Variants in TTC6 observed in about 807,000 individuals in gnomAD.
The protein encoded by TTC6 is tetratricopeptide repeat protein 6.
A neutral mutation model predicts 210.4 loss-of-function variants in TTC6; 172 were observed. The observed-to-expected ratio is 0.82, with a 90% CI of 0.72 to 0.93. TTC6 has a LOEUF of 0.93. Ranked by LOEUF, TTC6 falls within the 40% of genes least tolerant of loss-of-function variation. TTC6 has a pLI of 0.00. For missense variants in TTC6, 2,414 were observed against 2,318.1 expected (o/e 1.04, Z -0.85); for synonymous variants, 804 against 819.6 (o/e 0.98, Z 0.32).
At chr14:37,597,603 G>A (rs2095607034) in intron 1 of TTC6, among the ~76,000 whole-genome samples, 1 of 152,082 alleles carries the variant, frequency 6.6e-6, no homozygotes, top group South Asian at 2.1e-4. Flanking sequence ...GATGGCCGAA[G>A]CGGAATTTCT....
chr14:37,750,723 T>TA (rs925655257), intron 12 of TTC6, among the ~76,000 whole-genome samples: 32 of 150,180 alleles, frequency 2.1e-4, no homozygotes, highest in Middle Eastern at 3.4e-3. Context: ...CCTGTGTCTA[T>TA]AAAAAAAAAT....
intron 26 of TTC6, among the ~76,000 whole-genome samples, chr14:37,821,772 C>CTTTTTTTTTTTTT (rs35078384): frequency 5.8e-5 from 4 of 69,158 alleles, no homozygotes; most frequent in African/African-American, 1.3e-4. Context: ...AAGAGCTAGT[C>CTTTTTTTTTTTTT]TTTTTTTTTT....
chr14:37,809,353 C>T (rs541538033), intron 24 of TTC6, among the ~76,000 whole-genome samples: 138 of 150,462 alleles, frequency 9.2e-4, no homozygotes, highest in African/African-American at 2.9e-3. Context: ...CCCGGGTTCA[C>T]GCCATTCTCC....
At chr14:37,772,794 C>T (rs574950899) in intron 14 of TTC6, among the ~76,000 whole-genome samples, 5 of 152,254 alleles carry the variant, frequency 3.3e-5, no homozygotes, top group African/African-American at 4.8e-5. Flanking sequence ...AGCTGTAGAC[C>T]GGAGCTGTTC....
intron 2 of TTC6, among the ~76,000 whole-genome samples, chr14:37,607,764 A>G (rs2095627819): frequency 1.3e-5 from 2 of 152,002 alleles, no homozygotes; most frequent in African/African-American, 2.4e-5. Context: ...GGTAGCTAGG[A>G]CTATAGGTGC....
At chr14:37,773,572 T>G (rs1485028294) in intron 14 of TTC6, among the ~76,000 whole-genome samples, 1 of 152,162 alleles carries the variant, frequency 6.6e-6, no homozygotes, top group Non-Finnish European at 1.5e-5. Context: ...GTTGTAGGTG[T>G]GTGGTATTAT....
exon 21 of TTC6, chr14:37,804,728 G>C (rs755034325): frequency 1.2e-5 from 19 of 1,614,038 alleles, no homozygotes; most frequent in Middle Eastern, 3.3e-4. Flanking sequence ...TTCTCATTCT[G>C]ATAAAGGACC....
chr14:37,803,911 C>T (rs2096112595), intron 20 of TTC6, among the ~76,000 whole-genome samples: 1 of 152,172 alleles, frequency 6.6e-6, no homozygotes, highest in African/African-American at 2.4e-5. Flanking sequence ...AGTGAAACTT[C>T]ATTTTTTCTT....
intron 3 of TTC6, among the ~76,000 whole-genome samples, chr14:37,687,456 A>G (rs965475724): frequency 2.0e-5 from 3 of 152,156 alleles, no homozygotes; most frequent in African/African-American, 7.2e-5. Context: ...GGGCTCAGAG[A>G]TAGTGGACTA....
At chr14:37,841,864 C>G (rs1278997603) in intron 30 of TTC6, among the ~76,000 whole-genome samples, 194 bp downstream of exon 32, 1 of 152,066 alleles carries the variant, frequency 6.6e-6, no homozygotes, top group Non-Finnish European at 1.5e-5. Flanking sequence ...CTGTGGTAAA[C>G]TGAGATATAG....
chr14:37,750,065 G>T (rs1252618443), intron 12 of TTC6, among the ~76,000 whole-genome samples: 2 of 151,934 alleles, frequency 1.3e-5, no homozygotes, highest in Non-Finnish European at 2.9e-5. Context: ...GATATATATT[G>T]CAGTAAGTTG....
intron 1 of TTC6, among the ~76,000 whole-genome samples, chr14:37,602,907 G>C (rs1049638945): frequency 6.6e-6 from 1 of 152,058 alleles, no homozygotes; most frequent in Non-Finnish European, 1.5e-5. Flanking sequence ...GCCTCCTCCC[G>C]CCAAAATACC....
At chr14:37,641,977 C>A (rs1401547682) in intron 1 of TTC6, among the ~76,000 whole-genome samples, 1 of 152,192 alleles carries the variant, frequency 6.6e-6, no homozygotes, top group Non-Finnish European at 1.5e-5. Context: ...TGTTTTTATT[C>A]GGATTGCATC....
At chr14:37,724,748 G>C in intron 6 of TTC6, 150 bp from the exon 9 acceptor site, 1 of 468,432 alleles carries the variant, frequency 2.1e-6, no homozygotes, top group Non-Finnish European at 3.8e-6. Flanking sequence ...TTGCTAACCT[G>C]ATGGCTGTAA....
chr14:37,697,904 C>T (rs907337396), intron 4 of TTC6, among the ~76,000 whole-genome samples: 29 of 152,014 alleles, frequency 1.9e-4, no homozygotes, highest in Admixed American at 1.8e-3. Context: ...TGGCCACACA[C>T]AGAGTCAGAG....
intron 25 of TTC6, among the ~76,000 whole-genome samples, chr14:37,815,812 T>C (rs1365454279): frequency 6.6e-6 from 1 of 152,170 alleles, no homozygotes; most frequent in Non-Finnish European, 1.5e-5. Flanking sequence ...GCTAACTTTA[T>C]TCTAAGTAAT....
At chr14:37,749,912 A>C in intron 12 of TTC6, 69 bp downstream of exon 14, 1 of 1,045,588 alleles carries the variant, frequency 9.6e-7, no homozygotes, top group Admixed American at 4.2e-5. Flanking sequence ...TATTGGTACT[A>C]TAAGGATACA....
intron 1 of TTC6, among the ~76,000 whole-genome samples, chr14:37,596,942 G>A (rs1475534846): frequency 6.6e-6 from 1 of 151,836 alleles, no homozygotes; most frequent in Non-Finnish European, 1.5e-5. Context: ...AAGTCAGCAG[G>A]GGAGCAGAGA....
intron 26 of TTC6, among the ~76,000 whole-genome samples, chr14:37,821,495 G>A (rs1233317981): frequency 1.3e-5 from 2 of 152,074 alleles, no homozygotes; most frequent in African/African-American, 4.8e-5. Flanking sequence ...TCCCATATGT[G>A]GATGTTAACC....
Sources: gnomAD v4.1 joint callset for allele counts (sites outside exome capture counted in the v4.1 genomes callset) on GRCh38, gnomAD v4.1.1 for gene constraint, MANE v1.5 for transcripts, NCBI Gene and HGNC (gene_info 2026-07-23, HGNC 2026-07-21) for gene names.